FOXP1: variants seen among roughly 807,000 people sequenced by gnomAD.
The protein encoded by FOXP1 is forkhead box protein P1.
FOXP1 carries 15 observed loss-of-function variants against 98.2 expected under a neutral mutation model. The ratio of observed to expected loss-of-function variants is 0.15; its 90% CI spans 0.10 to 0.24. The LOEUF is 0.24. Ranked by LOEUF, FOXP1 falls within the 10% of genes least tolerant of loss-of-function variation. The pLI, the probability that FOXP1 is intolerant of heterozygous loss-of-function variation, is 1.00. For synonymous variants in FOXP1, 371 were observed against 314.5 expected (o/e 1.18, Z -1.90); for missense variants, 633 against 848.5 (o/e 0.75, Z 3.15).
intron 4 of FOXP1, among the ~76,000 whole-genome samples, chr3:71,347,949 A>G (rs1383312895): frequency 6.6e-6 from 1 of 152,028 alleles, no homozygotes; most frequent in Non-Finnish European, 1.5e-5. Context: ...GCCCCGGTGG[A>G]TGCCCAAAAC....
rs546154760 is a variant in FOXP1 at position 71,024,871 on chromosome 3, C to T, written c.870-9218G>A. ...TTATGTCCAGACTTAGTTTTTGTTC[C>T]CCCCTTCTTTCTTGATTTGCAAATT... On this transcript the variant is annotated intron_variant, in intron 11 of 20. Transcript: ENST00000649528. Among the ~76,000 whole-genome samples, 42 of 152,172 alleles carry T rather than the reference C, an allele frequency of 2.8e-4. No homozygotes were observed. In the South Asian group the frequency reaches 7.3e-3, roughly 26 times the overall value.
At chr3:71,196,333 T>G (rs998706634) in intron 6 of FOXP1, among the ~76,000 whole-genome samples, 2 of 152,326 alleles carry the variant, frequency 1.3e-5, no homozygotes, top group Middle Eastern at 3.4e-3. Flanking sequence ...GCTTTTATAA[T>G]TTTATTCTAT....
At chr3:71,434,623 G>A (rs901043440) in intron 3 of FOXP1, among the ~76,000 whole-genome samples, 2 of 142,366 alleles carry the variant, frequency 1.4e-5, no homozygotes, top group East Asian at 3.9e-4. Flanking sequence ...ACCCTCATGA[G>A]GGGATGGGGT....
At chr3:71,504,735 C>T (rs1367247832) in intron 2 of FOXP1, among the ~76,000 whole-genome samples, 1 of 152,074 alleles carries the variant, frequency 6.6e-6, no homozygotes, top group South Asian at 2.1e-4. Context: ...AAAAGTGTCA[C>T]GGAGCCCAAG....
At chr3:71,417,772 C>A (rs1303498106) in intron 3 of FOXP1, among the ~76,000 whole-genome samples, 2 of 152,078 alleles carry the variant, frequency 1.3e-5, no homozygotes, top group African/African-American at 4.8e-5. Context: ...TTGGACAGAG[C>A]TGAGGCTGTT....
At chr3:71,000,462 G>C (rs1041752762) in intron 13 of FOXP1, among the ~76,000 whole-genome samples, 1 of 152,050 alleles carries the variant, frequency 6.6e-6, no homozygotes, top group Non-Finnish European at 1.5e-5. Context: ...ATTGCGACTT[G>C]GGAAAACACG....
intron 18 of FOXP1, chr3:70,972,010 C>G: frequency 7.0e-7 from 1 of 1,424,812 alleles, no homozygotes; most frequent in Non-Finnish European, 9.1e-7. Flanking sequence ...AAGGCTCTTA[C>G]TGTGCGACAA....
intron 7 of FOXP1, among the ~76,000 whole-genome samples, chr3:71,079,475 T>A (rs988500934): frequency 6.6e-6 from 1 of 152,214 alleles, no homozygotes; most frequent in Non-Finnish European, 1.5e-5. Context: ...CTCAGCATAT[T>A]AACTCTTCCC....
chr3:70,971,060 T>C (rs1159997383), intron 18 of FOXP1: 3 of 466,386 alleles, frequency 6.4e-6, no homozygotes, highest in African/African-American at 2.0e-5. Context: ...GCTTGGGTCC[T>C]CCCTCCAGAG....
intron 6 of FOXP1, among the ~76,000 whole-genome samples, chr3:71,139,559 G>A (rs1188313050): frequency 6.7e-6 from 1 of 149,826 alleles, no homozygotes; most frequent in Non-Finnish European, 1.5e-5. Flanking sequence ...AGTCTCATCT[G>A]AAATGTGATG....
chr3:71,134,028 C>G (rs2059699385), intron 6 of FOXP1, among the ~76,000 whole-genome samples: 2 of 152,168 alleles, frequency 1.3e-5, no homozygotes, highest in Admixed American at 1.3e-4. Flanking sequence ...TTTGCCTATT[C>G]TGTCCCCACC....
chr3:71,059,951 T>C (rs2051244460), intron 7 of FOXP1, among the ~76,000 whole-genome samples: 5 of 152,088 alleles, frequency 3.3e-5, no homozygotes, highest in African/African-American at 1.2e-4. Context: ...AAATAAAAGA[T>C]AACTTGTGGA....
intron 2 of FOXP1, among the ~76,000 whole-genome samples, chr3:71,521,073 G>A (rs879260072): frequency 2.0e-5 from 3 of 152,176 alleles, no homozygotes; most frequent in African/African-American, 4.8e-5. Context: ...AGATGACAGA[G>A]AAATACAATT....
At chr3:71,426,440 A>G (rs1390116116) in intron 3 of FOXP1, among the ~76,000 whole-genome samples, 1 of 152,192 alleles carries the variant, frequency 6.6e-6, no homozygotes, top group African/African-American at 2.4e-5. Context: ...TTAGGCAAAG[A>G]GGAGAAGTCT....
At chr3:71,411,731 G>A (rs923497557) in intron 3 of FOXP1, among the ~76,000 whole-genome samples, 5 of 152,184 alleles carry the variant, frequency 3.3e-5, no homozygotes, top group African/African-American at 1.2e-4. Context: ...CTGCTCCAGT[G>A]TGGCAGTGCA....
intron 4 of FOXP1, among the ~76,000 whole-genome samples, chr3:71,303,057 G>A (rs2073983719): frequency 1.3e-5 from 2 of 152,162 alleles, no homozygotes; most frequent in Non-Finnish European, 2.9e-5. Context: ...ACTTGGAACT[G>A]AGTTGCAGGT....
intron 5 of FOXP1, among the ~76,000 whole-genome samples, chr3:71,281,093 G>A (rs1009091383): frequency 2.0e-5 from 3 of 150,014 alleles, no homozygotes; most frequent in Non-Finnish European, 3.0e-5. Flanking sequence ...GCCAGGCGTC[G>A]TGGTGCATGC....
rs993286361 is a variant in FOXP1 at position 71,093,012 on chromosome 3, G to A, written c.282+19524C>T. Among the ~76,000 whole-genome samples, 7 of 152,276 alleles carry A rather than the reference G, an allele frequency of 4.6e-5. 1 individual carries two copies. The South Asian group carries it at 1.2e-3, about 27-fold the overall frequency. On this transcript the variant is annotated intron_variant, in intron 7 of 20. Transcript: ENST00000649528. ...GTGGTGGCTCACGCCTATAATCCCA[G>A]CCCTTTGGGAGGCCAAGGCAGGCAG...
At chr3:70,974,786 G>A (rs2037147151) in intron 17 of FOXP1, among the ~76,000 whole-genome samples, 1 of 152,154 alleles carries the variant, frequency 6.6e-6, no homozygotes, top group South Asian at 2.1e-4. Flanking sequence ...ACTGCTTGAT[G>A]CTTTAAAATA....
Sources: allele counts gnomAD v4.1 joint callset (sites outside exome capture counted in the v4.1 genomes callset), GRCh38; gene constraint gnomAD v4.1.1; transcripts MANE v1.5; gene names NCBI Gene and HGNC (gene_info 2026-07-23, HGNC 2026-07-21).